ETV5: variants seen among roughly 807,000 people sequenced by gnomAD.
ETV5 encodes ETS variant transcription factor 5, also known as ETS translocation variant 5.
In ETV5, 10 loss-of-function variants were observed where a neutral mutation model predicts 70.0. That is an observed-to-expected ratio of 0.14 (90% CI 0.09 to 0.24). The LOEUF (loss-of-function observed/expected upper bound fraction) is 0.24. Ranked by LOEUF, ETV5 falls within the 10% of genes least tolerant of loss-of-function variation. The probability of loss-of-function intolerance (pLI) is 1.00; values close to 1 mark genes in which losing one functional copy is unlikely to be tolerated. For synonymous variants in ETV5, 216 were observed against 242.2 expected (o/e 0.89, Z 1.01); for missense variants, 453 against 651.2 (o/e 0.70, Z 3.31).
In ETV5 at chr3:186,065,925, G is replaced by A. The variant is rs1713431708; in HGVS notation, c.798C>T (p.Tyr266=). 6.2e-7 allele frequency: 1 copy of A among 1,613,324 alleles called. No individual in the cohort carries two copies. The highest frequency in any genetic ancestry group is 1.3e-5 in the African/African-American group (1 of 74,834). ...PPPPQGFKQE[Y]HDPLYEHGVP... is the part of the protein sequence containing the mutation. ...CCCCATGTTCATAGAGTGGGTCATGGTATTCTTGTTTGAATCCCTGAGGGG... is the reference window on the plus strand; with the variant it reads ...CCCCATGTTCATAGAGTGGGTCATGATATTCTTGTTTGAATCCCTGAGGGG... The change falls in exon 8 of 13, where the codon TAC becomes TAT. Residue 266 remains tyrosine, a synonymous_variant. Transcript: ENST00000306376.
intron 5 of ETV5, among the ~76,000 whole-genome samples, chr3:186,102,308 G>A (rs1159985714): frequency 6.6e-6 from 1 of 151,928 alleles, no homozygotes; most frequent in Non-Finnish European, 1.5e-5. Flanking sequence ...TTATTAATAG[G>A]AAAGTGTATT....
chr3:186,053,079 A>C (rs1486449960), intron 11 of ETV5, among the ~76,000 whole-genome samples: 1 of 152,128 alleles, frequency 6.6e-6, no homozygotes, highest in Non-Finnish European at 1.5e-5. Context: ...TAAAAAAAAA[A>C]AACAAACTAT....
chr3:186,066,034 G>A lies in ETV5; in HGVS notation c.689C>T (p.Pro230Leu), dbSNP rs756876054. 2 of 1,609,064 alleles carry A rather than the reference G, an allele frequency of 1.2e-6. No individual in the cohort carries two copies. The highest frequency in any genetic ancestry group is 1.1e-5 in the South Asian group (1 of 90,430). The change falls in exon 8 of 13, where the codon CCT becomes CTT. Residue 230 changes from proline (P) to leucine (L), a missense_variant. Coordinates refer to ENST00000306376, the MANE Select transcript of ETV5 (RefSeq NM_004454.3). ...ATCTCCAGGAACTCCTGGCTGAGGA[G>A]GGAAGGGGTGGCAGGGTTCAGACAG... ...RQLSEPCHPF[P>L]PQPGVPGDNR...
At chr3:186,080,576 C>G (rs1713909154) in intron 6 of ETV5, 1 of 232,196 alleles carries the variant, frequency 4.3e-6, no homozygotes, top group African/African-American at 2.2e-5. Context: ...CTATGTTTAT[C>G]TTCTAGAGCA....
intron 9 of ETV5, among the ~76,000 whole-genome samples, chr3:186,062,050 A>G (rs1289112147): frequency 6.6e-6 from 1 of 152,238 alleles, no homozygotes; most frequent in East Asian, 1.9e-4. Flanking sequence ...CAAGAGAACA[A>G]GAAAACACTT....
intron 5 of ETV5, among the ~76,000 whole-genome samples, chr3:186,104,234 G>A (rs1000004413): frequency 4.6e-5 from 7 of 152,150 alleles, no homozygotes; most frequent in Admixed American, 1.3e-4. Context: ...TCATCAGCCG[G>A]CTTTGTCCTT....
chr3:186,057,337 C>T lies in ETV5; in HGVS notation c.1039+86G>A. 6.2e-7 allele frequency: 1 copy of T among 1,606,316 alleles called. No homozygotes were observed. Among genetic ancestry groups the T allele is most frequent in the Admixed American group, 1.7e-5 (1 of 59,792 alleles). ...GGAGTTGTTCATGCTGATTTAATCA[C>T]TGGACTTGGGAAGAGAGTCATGGCT... On this transcript the variant is annotated intron_variant, in intron 10 of 12. Coordinates refer to ENST00000306376, the MANE Select transcript of ETV5 (RefSeq NM_004454.3). This position sits in a 1 kb window ranked among gnomAD's most constrained non-coding sequence, Gnocchi z 4.9.
At chr3:186,079,307 G>T (rs1042903929) in intron 7 of ETV5, 2 of 229,704 alleles carry the variant, frequency 8.7e-6, no homozygotes, top group Non-Finnish European at 1.7e-5. Flanking sequence ...GTGTAACCAG[G>T]AGATTTCTAT....
intron 5 of ETV5, among the ~76,000 whole-genome samples, chr3:186,101,041 C>T (rs1714443424): frequency 6.6e-6 from 1 of 152,254 alleles, no homozygotes; most frequent in Non-Finnish European, 1.5e-5. Flanking sequence ...CTCTTGAGTT[C>T]CAATCTTATC....
At chr3:186,092,692 C>A (rs75160594) in intron 5 of ETV5, among the ~76,000 whole-genome samples, 19 of 151,886 alleles carry the variant, frequency 1.3e-4, no homozygotes, top group African/African-American at 4.4e-4. Flanking sequence ...TCTCAGCCCC[C>A]CAAAGTGTTG....
intron 1 of ETV5, chr3:186,106,855 C>T (rs1356291): frequency 0.78 from 544,020 of 698,586 alleles, 214,619 homozygotes; most frequent in Non-Finnish European, 0.81. Context: ...GTAACAATTT[C>T]AGGGAGGTAC....
intron 7 of ETV5, among the ~76,000 whole-genome samples, chr3:186,068,019 T>C (rs970330047): frequency 6.6e-6 from 1 of 152,200 alleles, no homozygotes; most frequent in African/African-American, 2.4e-5. Flanking sequence ...AAAGTTTAAC[T>C]CATTAGTAAT....
At chr3:186,084,114 G>A (rs1451627579) in intron 5 of ETV5, 1 of 374,296 alleles carries the variant, frequency 2.7e-6, no homozygotes, top group African/African-American at 2.2e-5. Flanking sequence ...GCACCTTGCA[G>A]ATGGTGCTAT....
intron 7 of ETV5, chr3:186,078,975 C>T (rs536630008): frequency 5.4e-4 from 456 of 843,872 alleles, no homozygotes; most frequent in Non-Finnish European, 6.4e-4. Context: ...CCCACTCCCG[C>T]CCCATTGTGG....
chr3:186,073,753 A>T (rs2150147200), intron 7 of ETV5, among the ~76,000 whole-genome samples: 1 of 152,332 alleles, frequency 6.6e-6, no homozygotes, highest in African/African-American at 2.4e-5. Context: ...GGGTAGGGAG[A>T]TCAAATAACT....
At chr3:186,071,719 T>C (rs532139821) in intron 7 of ETV5, among the ~76,000 whole-genome samples, 1,946 of 150,454 alleles carry the variant, frequency 0.013, 33 homozygotes, top group South Asian at 0.027. Context: ...CTTTGGGAGC[T>C]CGAGGCGGGC....
At chr3:186,058,069 T>G (rs1245127874) in intron 9 of ETV5, among the ~76,000 whole-genome samples, 1 of 152,164 alleles carries the variant, frequency 6.6e-6, no homozygotes, top group African/African-American at 2.4e-5. Flanking sequence ...GTGGAGAGGA[T>G]CTGAAAAGAC....
chr3:186,071,064 A>G (rs1440423300), intron 7 of ETV5, among the ~76,000 whole-genome samples: 2 of 152,208 alleles, frequency 1.3e-5, no homozygotes, highest in Non-Finnish European at 2.9e-5. Flanking sequence ...TCAGATTTAT[A>G]TAGCGCCTTT....
intron 5 of ETV5, among the ~76,000 whole-genome samples, chr3:186,099,851 C>G (rs777037303): frequency 1.1e-4 from 17 of 152,122 alleles, no homozygotes; most frequent in Admixed American, 4.6e-4. Context: ...TGTAACTCCC[C>G]GTCCCAAATC....
Sources: gnomAD v4.1 joint callset for allele counts (sites outside exome capture counted in the v4.1 genomes callset) on GRCh38, gnomAD v4.1.1 for gene constraint, Gnocchi (gnomAD v3.1) non-coding constraint, MANE v1.5 for transcripts, NCBI Gene and HGNC (gene_info 2026-07-23, HGNC 2026-07-21) for gene names.